Variants in KAZN observed in about 807,000 individuals in gnomAD.
KAZN encodes the protein kazrin.
In KAZN, 40 loss-of-function variants were observed where a neutral mutation model predicts 87.4. The ratio of observed to expected loss-of-function variants is 0.46; its 90% CI spans 0.36 to 0.60. The LOEUF is 0.60. Among genes scored for constraint, KAZN ranks in the 20% least tolerant of loss-of-function variants. KAZN has a pLI of 0.00. For missense variants in KAZN, 898 were observed against 1,073.9 expected, an observed-to-expected ratio of 0.84 and a Z score of 2.29; for synonymous variants, 466 against 458.3, an observed-to-expected ratio of 1.02 and a Z score of -0.22.
chr1:14,810,846 T>A (rs892023836), intron 1 of KAZN, among the ~76,000 whole-genome samples: 2 of 152,070 alleles, frequency 1.3e-5, no homozygotes, highest in Non-Finnish European at 2.9e-5. Context: ...ACAGGCCAGG[T>A]CCAGCCGTAG....
intron 1 of KAZN, among the ~76,000 whole-genome samples, chr1:14,930,977 C>T (rs1659746425): frequency 6.6e-6 from 1 of 152,126 alleles, no homozygotes; most frequent in African/African-American, 2.4e-5. Context: ...CCCGCCACAA[C>T]CATTTGGAAA....
chr1:14,268,575 CTCA>C (rs1651679950), intron 2 of KAZN, among the ~76,000 whole-genome samples: 3 of 152,046 alleles, frequency 2.0e-5, no homozygotes, highest in Middle Eastern at 3.2e-3. Context: ...CCATTCTGCT[CTCA>C]CCTCTGTTTT....
At chr1:14,784,395 A>G (rs545934336) in intron 1 of KAZN, among the ~76,000 whole-genome samples, 1 of 152,204 alleles carries the variant, frequency 6.6e-6, no homozygotes, top group East Asian at 1.9e-4. Context: ...GAGTCTGGGG[A>G]GGTATGGGCT....
rs78080972 is a variant in KAZN, at chr1:14,832,701, C to A, written c.227-127983C>A. Among the ~76,000 whole-genome samples, 595 of 152,278 alleles carry A rather than the reference C, an allele frequency of 3.9e-3. 7 individuals carry two copies. Among genetic ancestry groups the A allele is most frequent in the African/African-American group, 0.014 (562 of 41,560 alleles). On this transcript the variant is annotated intron_variant, in intron 1 of 14. Transcript: ENST00000376030. ...AAAGCCATCCTGGGCTAATGCACAG[C>A]CCACGTGCCCTGGGTTGGACAAGTA...
At chr1:14,765,251 G>C (rs1374627809) in intron 1 of KAZN, among the ~76,000 whole-genome samples, 1 of 152,234 alleles carries the variant, frequency 6.6e-6, no homozygotes, top group Non-Finnish European at 1.5e-5. Context: ...ACATTGCCAA[G>C]TACCTCCTTG....
chr1:14,224,332 AAG>A (rs1481745848), intron 2 of KAZN, among the ~76,000 whole-genome samples: 1 of 152,188 alleles, frequency 6.6e-6, no homozygotes, highest in Non-Finnish European at 1.5e-5. Flanking sequence ...GGAACAACCA[AAG>A]AGAAATATTC....
intron 2 of KAZN, among the ~76,000 whole-genome samples, chr1:14,413,749 A>C (rs911428854): frequency 6.6e-6 from 1 of 152,118 alleles, no homozygotes; most frequent in African/African-American, 2.4e-5. Context: ...TAGAAAACAA[A>C]AGCTACTGCA....
At chr1:14,301,747 G>A (rs1406352966) in intron 2 of KAZN, among the ~76,000 whole-genome samples, 1 of 152,136 alleles carries the variant, frequency 6.6e-6, no homozygotes, top group Non-Finnish European at 1.5e-5. Flanking sequence ...CGGGAGGCAG[G>A]TCCTAGCTGT....
At chr1:14,596,308 GCA>G (rs56758780), upstream of KAZN, among the ~76,000 whole-genome samples, 15,575 of 150,134 alleles carry the variant, frequency 0.1, 1,975 homozygotes, top group African/African-American at 0.3. Context: ...ACACGTGTGC[GCA>G]CACACACACA....
At chr1:13,911,777 A>T (rs985667436) in intron 1 of KAZN, among the ~76,000 whole-genome samples, 4 of 152,308 alleles carry the variant, frequency 2.6e-5, no homozygotes, top group African/African-American at 9.6e-5. Context: ...AAAAAATGTT[A>T]TAAGGCATGA....
intron 1 of KAZN, among the ~76,000 whole-genome samples, chr1:14,777,151 C>G (rs1645201743): frequency 1.5e-5 from 1 of 65,826 alleles, no homozygotes; most frequent in South Asian, 7.1e-4. Flanking sequence ...CCACACCCAG[C>G]TAATTTTTTT....
At chr1:14,084,365 T>C (rs1409113269) in intron 1 of KAZN, among the ~76,000 whole-genome samples, 1 of 152,124 alleles carries the variant, frequency 6.6e-6, no homozygotes, top group African/African-American at 2.4e-5. Flanking sequence ...GTCAGTCAGA[T>C]GTTGGATTTA....
chr1:14,326,953 T>C (rs993849805), intron 2 of KAZN, among the ~76,000 whole-genome samples: 1 of 152,140 alleles, frequency 6.6e-6, no homozygotes, highest in African/African-American at 2.4e-5. Context: ...TACATAGTTA[T>C]TGTTGATTTG....
Position 15,077,937 on chromosome 1 carries a change from C to T in KAZN, c.1222+12184C>T, listed in dbSNP as rs1042689632. ...ATGGGGTAGGCATTTGATGTACACT[C>T]ATTAAGTCTTTCAACGAACACTGAC... On this transcript the variant is annotated intron_variant, in intron 8 of 14. Coordinates refer to ENST00000376030, the MANE Select transcript of KAZN (RefSeq NM_201628.3). The surrounding 1 kb of genome is among the most constrained non-coding windows in gnomAD (Gnocchi z 4.8). Among the ~76,000 whole-genome samples, 2 of 152,162 alleles carry T rather than the reference C, an allele frequency of 1.3e-5. No individual in the cohort carries two copies. Among genetic ancestry groups the T allele is most frequent in the Non-Finnish European group, 2.9e-5 (2 of 68,034 alleles).
chr1:13,963,186 G>A (rs1361614120), intron 1 of KAZN, among the ~76,000 whole-genome samples: 1 of 152,006 alleles, frequency 6.6e-6, no homozygotes, highest in Non-Finnish European at 1.5e-5. Context: ...GGAGAGTCAA[G>A]GAGATGGGAG....
intron 2 of KAZN, among the ~76,000 whole-genome samples, chr1:14,995,798 G>T (rs1667805694): frequency 6.6e-6 from 1 of 152,074 alleles, no homozygotes; most frequent in Admixed American, 6.6e-5. Context: ...TGGGTGCCTC[G>T]CCTGATTTAT....
chr1:14,096,875 T>C (rs529894153), intron 1 of KAZN, among the ~76,000 whole-genome samples: 1 of 152,332 alleles, frequency 6.6e-6, no homozygotes, highest in South Asian at 2.1e-4. Flanking sequence ...TGCATCACAG[T>C]TGAACTACCT....
At chr1:14,859,377 C>T (rs993608264) in intron 1 of KAZN, among the ~76,000 whole-genome samples, 4 of 152,064 alleles carry the variant, frequency 2.6e-5, no homozygotes, top group African/African-American at 9.7e-5. Context: ...GGTGACTGGC[C>T]CACGGTCACG....
intron 2 of KAZN, among the ~76,000 whole-genome samples, chr1:14,383,809 G>A (rs964339000): frequency 2.9e-4 from 44 of 152,134 alleles, no homozygotes; most frequent in African/African-American, 1.0e-3. Flanking sequence ...GCTCTTTTTT[G>A]ATTCCATATG....
Sources: gnomAD v4.1 joint callset for allele counts (sites outside exome capture counted in the v4.1 genomes callset) on GRCh38, gnomAD v4.1.1 for gene constraint, Gnocchi (gnomAD v3.1) non-coding constraint, MANE v1.5 for transcripts, NCBI Gene and HGNC (gene_info 2026-07-23, HGNC 2026-07-21) for gene names.